Variants in RALGAPA2 observed in about 807,000 individuals in gnomAD.
The protein encoded by RALGAPA2 is ral GTPase-activating protein subunit alpha-2.
Under a neutral mutation model 230.4 loss-of-function variants are expected in RALGAPA2, and 139 were observed. That is an observed-to-expected ratio of 0.60 (90% CI 0.53 to 0.69). The LOEUF is 0.69. Ranked by LOEUF, RALGAPA2 falls within the 30% of genes least tolerant of loss-of-function variation. The pLI, the probability that RALGAPA2 is intolerant of heterozygous loss-of-function variation, is 0.00. For missense variants in RALGAPA2, 2,163 were observed against 2,276.0 expected, an observed-to-expected ratio of 0.95 and a Z score of 1.01; for synonymous variants, 847 against 837.8, an observed-to-expected ratio of 1.01 and a Z score of -0.19.
chr20:20,420,592 C>T (rs2060256488), intron 37 of RALGAPA2, among the ~76,000 whole-genome samples: 3 of 152,222 alleles, frequency 2.0e-5, no homozygotes, highest in African/African-American at 7.2e-5. Context: ...GTGACACACA[C>T]ACCCTGGCGT....
At position 20,458,561 on chromosome 20, in the gene RALGAPA2, TTA is replaced by T. The variant is rs567469481; in HGVS notation, c.5495+14266_5495+14267del. Among the ~76,000 whole-genome samples, 779 of 128,254 alleles carry T rather than the reference TTA, an allele frequency of 6.1e-3. 20 individuals carry two copies. Among genetic ancestry groups the T allele is most frequent in the African/African-American group, 0.022 (654 of 30,190 alleles). The allele number at this position is 128,254 out of a possible 152,430, so 84.1% of individuals were successfully genotyped here. The stretch of plus-strand genomic sequence containing the variant: ...ATAATATATATGTATTTTATATATA[TTA>T]TATATATAATATATATACCAATACA... On this transcript the variant is annotated intron_variant, in intron 37 of 39. Coordinates refer to ENST00000202677, the MANE Select transcript of RALGAPA2 (RefSeq NM_020343.4).
intron 25 of RALGAPA2, 124 bp from the exon 26 acceptor site, chr20:20,535,927 T>C (rs2063485904): frequency 7.3e-7 from 1 of 1,376,160 alleles, no homozygotes; most frequent in Non-Finnish European, 9.5e-7. Context: ...AGAGCTCATC[T>C]ATGAGTGAGA....
At chr20:20,630,833 C>G (rs902956862) in intron 9 of RALGAPA2, among the ~76,000 whole-genome samples, 2 of 152,068 alleles carry the variant, frequency 1.3e-5, no homozygotes, top group African/African-American at 4.8e-5. Context: ...CTGTAGGACA[C>G]AGAGGCTAGA....
intron 19 of RALGAPA2, among the ~76,000 whole-genome samples, chr20:20,583,854 C>T (rs1185258736): frequency 6.6e-6 from 1 of 152,220 alleles, no homozygotes; most frequent in African/African-American, 2.4e-5. Context: ...ACTTCTGCTT[C>T]TCAGAGTCTC....
chr20:20,440,025 T>C (rs1259752335), intron 37 of RALGAPA2, among the ~76,000 whole-genome samples: 1 of 152,210 alleles, frequency 6.6e-6, no homozygotes, highest in Non-Finnish European at 1.5e-5. Flanking sequence ...TCATAATGTC[T>C]ATTTCTTAAT....
In RALGAPA2 at chr20:20,398,895, G is replaced by A. The variant is rs2122644141; in HGVS notation, c.5618-2161C>T. 1.3e-5 allele frequency among the ~76,000 whole-genome samples: 2 copies of A among 152,296 alleles called. No homozygotes were observed. The highest frequency in any genetic ancestry group is 3.9e-4 in the East Asian group (2 of 5,186). On this transcript the variant is annotated intron_variant, in intron 38 of 39. Transcript: ENST00000202677. The surrounding 1 kb of genome is among the most constrained non-coding windows in gnomAD (Gnocchi z 4.5). Reference sequence around the variant, plus strand: ...GTCTAATGAGGGGATATCACCCCTTGGGGTGGCAAAATAGCCTACTCTTTA... The same window carrying A: ...GTCTAATGAGGGGATATCACCCCTTAGGGTGGCAAAATAGCCTACTCTTTA...
chr20:20,657,333 A>G (rs1244010757), intron 3 of RALGAPA2, among the ~76,000 whole-genome samples: 1 of 152,238 alleles, frequency 6.6e-6, no homozygotes, highest in Non-Finnish European at 1.5e-5. Flanking sequence ...GCTTGGGGCC[A>G]TGATGCAAAG....
intron 27 of RALGAPA2, among the ~76,000 whole-genome samples, chr20:20,530,471 G>A (rs1382201146): frequency 1.3e-5 from 2 of 152,162 alleles, no homozygotes; most frequent in Non-Finnish European, 2.9e-5. Context: ...GTGGTCAGAG[G>A]GTGTACTTGG....
chr20:20,681,762 A>T (rs2068528903), intron 1 of RALGAPA2, among the ~76,000 whole-genome samples: 1 of 152,220 alleles, frequency 6.6e-6, no homozygotes, highest in Admixed American at 6.5e-5. Flanking sequence ...AAGCTGAGGC[A>T]GGGTAATCGC....
At chr20:20,486,627 T>C (rs529258589) in intron 36 of RALGAPA2, among the ~76,000 whole-genome samples, 15 of 152,226 alleles carry the variant, frequency 9.9e-5, no homozygotes, top group Non-Finnish European at 2.2e-4. Context: ...CCTGGATCTG[T>C]CATTAATTTT....
intron 1 of RALGAPA2, among the ~76,000 whole-genome samples, chr20:20,698,593 T>C (rs1403029251): frequency 1.3e-5 from 2 of 152,190 alleles, no homozygotes; most frequent in African/African-American, 4.8e-5. Context: ...GTATTTTTAG[T>C]TTTACCATGT....
At chr20:20,691,454 G>C (rs1184529063) in intron 1 of RALGAPA2, among the ~76,000 whole-genome samples, 1 of 151,926 alleles carries the variant, frequency 6.6e-6, no homozygotes, top group African/African-American at 2.4e-5. Context: ...GGATACAAAG[G>C]ATTTTTTACA....
chr20:20,686,974 C>T (rs961308589), intron 1 of RALGAPA2, among the ~76,000 whole-genome samples: 2 of 152,112 alleles, frequency 1.3e-5, no homozygotes, highest in Admixed American at 1.3e-4. Flanking sequence ...CCCCCTGCAC[C>T]TTCTATACTG....
chr20:20,543,478 C>T (rs975134531), intron 24 of RALGAPA2, among the ~76,000 whole-genome samples: 4 of 152,162 alleles, frequency 2.6e-5, no homozygotes, highest in Non-Finnish European at 5.9e-5. Flanking sequence ...TTGGAACCAA[C>T]CCAAATGCCT....
Position 20,629,417 on chromosome 20 carries a change from C to G in RALGAPA2, c.1179G>C (p.Arg393=), listed in dbSNP as rs372796630. The G allele has an allele frequency of 2.2e-5, 35 of 1,613,360 alleles. No homozygotes were observed. In the African/African-American group the frequency reaches 4.0e-4, roughly 18 times the overall value. Residue 393 remains arginine, a synonymous_variant, in exon 10 of 40, where the codon CGG becomes CGC. Transcript: ENST00000202677. ...CATAACCTCGTGTTGACAAGAGAAT[C>G]CGCTGTACCATTTCATACACCATTC... The part of the protein sequence containing the change: ...EHRMVYEMVQ[R]ILLSTRGYVN...
At chr20:20,438,720 T>C (rs2060668179) in intron 37 of RALGAPA2, among the ~76,000 whole-genome samples, 2 of 152,176 alleles carry the variant, frequency 1.3e-5, no homozygotes, top group Admixed American at 1.3e-4. Context: ...GACTCTCACA[T>C]TTGACTGAAA....
intron 1 of RALGAPA2, among the ~76,000 whole-genome samples, chr20:20,681,436 C>A (rs1464546007): frequency 6.6e-6 from 1 of 152,122 alleles, no homozygotes; most frequent in Admixed American, 6.5e-5. Context: ...CCACAGACTG[C>A]GGATAGATAG....
intron 3 of RALGAPA2, among the ~76,000 whole-genome samples, chr20:20,663,966 C>T (rs117741657): frequency 1.3e-5 from 2 of 152,282 alleles, no homozygotes; most frequent in East Asian, 1.9e-4. Context: ...ATCTGATAAC[C>T]AGGACCACTG....
chr20:20,391,541 C>T lies in RALGAPA2; in HGVS notation c.*1748G>A, dbSNP rs939883749. 2.6e-5 allele frequency: 4 copies of T among 152,200 alleles called. No homozygotes were observed. The highest frequency in any genetic ancestry group is 6.5e-5 in the Admixed American group (1 of 15,282). The allele number at this position is 152,200 out of a possible 1,614,324, so 9.4% of individuals were successfully genotyped here. ...GCCAGGATGAGCAGGCCCGCCCTTC[C>T]GACAGGAACGACTGGCTCAGCTCTT... On this transcript the variant is annotated 3_prime_UTR_variant, in exon 40 of 40. Transcript: ENST00000202677.
Sources: gnomAD v4.1 joint callset for allele counts (sites outside exome capture counted in the v4.1 genomes callset) on GRCh38, gnomAD v4.1.1 for gene constraint, Gnocchi (gnomAD v3.1) non-coding constraint, MANE v1.5 for transcripts, NCBI Gene and HGNC (gene_info 2026-07-23, HGNC 2026-07-21) for gene names.